Variants in ZBTB20 observed in about 807,000 individuals in gnomAD.
The protein encoded by ZBTB20 is zinc finger and BTB domain-containing protein 20.
Under a neutral mutation model 56.9 loss-of-function variants are expected in ZBTB20, and 9 were observed. The observed-to-expected ratio is 0.16, with a 90% confidence interval of 0.10 to 0.28. ZBTB20 has a LOEUF of 0.28. Among genes scored for constraint, ZBTB20 ranks in the 10% least tolerant of loss-of-function variants. ZBTB20 has a pLI of 1.00. For missense variants in ZBTB20, 655 were observed against 1,003.0 expected (o/e 0.65, Z 4.69); for synonymous variants, 417 against 420.7 (o/e 0.99, Z 0.11).
intron 1 of ZBTB20, among the ~76,000 whole-genome samples, chr3:115,131,056 C>T (rs948142581): frequency 3.9e-5 from 6 of 152,070 alleles, no homozygotes; most frequent in African/African-American, 1.2e-4. Context: ...ACACCGTGCC[C>T]GGCCAATTAT....
chr3:114,354,321 C>T (rs1402105147), intron 10 of ZBTB20, among the ~76,000 whole-genome samples: 1 of 152,174 alleles, frequency 6.6e-6, no homozygotes, highest in Non-Finnish European at 1.5e-5. Context: ...GGATTTATTA[C>T]AACATTTTTT....
chr3:114,524,417 T>A (rs1215001881), intron 6 of ZBTB20, among the ~76,000 whole-genome samples: 1 of 152,094 alleles, frequency 6.6e-6, no homozygotes, highest in East Asian at 1.9e-4. Context: ...GAGCGTGTAT[T>A]TACACAGTGA....
chr3:114,544,330 C>T (rs1437220542), intron 6 of ZBTB20, among the ~76,000 whole-genome samples: 1 of 152,034 alleles, frequency 6.6e-6, no homozygotes, highest in Non-Finnish European at 1.5e-5. Flanking sequence ...ATTTGAAGAA[C>T]AAATCTATTT....
chr3:114,798,590 G>A (rs1001986013), intron 5 of ZBTB20, among the ~76,000 whole-genome samples: 2 of 151,784 alleles, frequency 1.3e-5, no homozygotes, highest in African/African-American at 4.8e-5. Context: ...GATGATCTGC[G>A]ATGGTGGTCA....
At chr3:114,567,660 C>T (rs1297658104) in intron 6 of ZBTB20, among the ~76,000 whole-genome samples, 3 of 152,142 alleles carry the variant, frequency 2.0e-5, no homozygotes, top group African/African-American at 4.8e-5. Flanking sequence ...AGCCCTCCCC[C>T]ATATAACCCC....
intron 6 of ZBTB20, among the ~76,000 whole-genome samples, chr3:114,528,343 A>G (rs934810123): frequency 6.6e-6 from 1 of 152,308 alleles, no homozygotes; most frequent in East Asian, 1.9e-4. Context: ...AATAATGGTA[A>G]ACATGTTGAT....
At chr3:114,465,929 G>T (rs930943487) in intron 7 of ZBTB20, among the ~76,000 whole-genome samples, 1 of 151,992 alleles carries the variant, frequency 6.6e-6, no homozygotes, top group Non-Finnish European at 1.5e-5. Flanking sequence ...GACATTTAAG[G>T]TCTCTGAGTA....
At chr3:114,644,535 T>C (rs1217365025) in intron 6 of ZBTB20, among the ~76,000 whole-genome samples, 1 of 152,082 alleles carries the variant, frequency 6.6e-6, no homozygotes, top group African/African-American at 2.4e-5. Context: ...GAAACGCAAG[T>C]CAAAACCACA....
chr3:114,344,055 A>AC (rs1484960296), intron 11 of ZBTB20, among the ~76,000 whole-genome samples: 1 of 151,324 alleles, frequency 6.6e-6, no homozygotes, highest in Non-Finnish European at 1.5e-5. Context: ...TCTCAAAAAA[A>AC]AAATGGGGGG....
At chr3:114,893,388 T>C (rs1057298962) in intron 4 of ZBTB20, among the ~76,000 whole-genome samples, 10 of 152,214 alleles carry the variant, frequency 6.6e-5, no homozygotes, top group African/African-American at 2.2e-4. Context: ...AAAAAATCTT[T>C]AAATGAGTAC....
Position 114,849,676 on chromosome 3 carries a change from A to T in ZBTB20, c.-416-48502T>A, listed in dbSNP as rs1262944416. Among the ~76,000 whole-genome samples the T allele has an allele frequency of 3.9e-5, 6 of 152,188 alleles. No individual in the cohort carries two copies. In the East Asian group the frequency reaches 1.2e-3, roughly 29 times the overall value. On this transcript the variant is annotated intron_variant, in intron 4 of 11. Transcript: ENST00000675478. The stretch of plus-strand genomic sequence containing the variant: ...TAAGTAAATACATAATTTTATACTT[A>T]TCATGTTATTATGGTTTTCAAAGAA...
intron 7 of ZBTB20, among the ~76,000 whole-genome samples, chr3:114,425,658 T>C (rs1485977798): frequency 2.6e-5 from 4 of 152,218 alleles, no homozygotes; most frequent in Non-Finnish European, 5.9e-5. Context: ...CTTATACTCA[T>C]GCATCTGAAG....
intron 5 of ZBTB20, among the ~76,000 whole-genome samples, chr3:114,785,345 G>C (rs1468196376): frequency 6.6e-6 from 1 of 152,076 alleles, no homozygotes; most frequent in Non-Finnish European, 1.5e-5. Context: ...TAATACAACA[G>C]GAAAGGATAA....
At chr3:114,377,155 T>C (rs1338321536) in intron 10 of ZBTB20, among the ~76,000 whole-genome samples, 2 of 152,174 alleles carry the variant, frequency 1.3e-5, no homozygotes, top group African/African-American at 4.8e-5. Flanking sequence ...CTAGGGTGTT[T>C]TTTACCCTTC....
chr3:114,794,937 A>G (rs140412203), intron 5 of ZBTB20, among the ~76,000 whole-genome samples: 1 of 152,140 alleles, frequency 6.6e-6, no homozygotes, highest in African/African-American at 2.4e-5. Context: ...AAGGTTTAAC[A>G]GATAAAAAAT....
At chr3:114,465,611 G>A (rs1392229649) in intron 7 of ZBTB20, among the ~76,000 whole-genome samples, 1 of 152,016 alleles carries the variant, frequency 6.6e-6, no homozygotes, top group Non-Finnish European at 1.5e-5. Context: ...GGAGTCTGAG[G>A]CAGGAGAATC....
chr3:114,394,149 A>G (rs1246248149), intron 7 of ZBTB20, among the ~76,000 whole-genome samples: 1 of 152,198 alleles, frequency 6.6e-6, no homozygotes, highest in Non-Finnish European at 1.5e-5. Flanking sequence ...TGCACCAGGC[A>G]TTTTTATAAA....
intron 2 of ZBTB20, among the ~76,000 whole-genome samples, chr3:114,992,521 G>C (rs1025065666): frequency 6.6e-6 from 1 of 151,898 alleles, no homozygotes; most frequent in Admixed American, 6.6e-5. Flanking sequence ...CAGACAAAAA[G>C]AAAGAACTCA....
rs537656767 is a variant in ZBTB20, at chr3:114,835,360, C to T, written c.-416-34186G>A. 7.2e-5 allele frequency among the ~76,000 whole-genome samples: 11 copies of T among 151,934 alleles called. No individual in the cohort carries two copies. The South Asian group carries it at 1.7e-3, about 23-fold the overall frequency. ...TGTCATAAAGTATTCTATTTATTTC[C>T]CAGCAGCTGGTGTCAAAAAAGTTGT... is the stretch of plus-strand genomic sequence containing the variant. On this transcript the variant is annotated intron_variant, in intron 4 of 11. Coordinates refer to ENST00000675478, the MANE Select transcript of ZBTB20 (RefSeq NM_001348800.3).
Sources: gnomAD v4.1 joint callset for allele counts (sites outside exome capture counted in the v4.1 genomes callset) on GRCh38, gnomAD v4.1.1 for gene constraint, MANE v1.5 for transcripts, NCBI Gene and HGNC (gene_info 2026-07-23, HGNC 2026-07-21) for gene names.